Variants in CTTNBP2 observed in about 807,000 individuals in gnomAD.
CTTNBP2 encodes cortactin binding protein 2, also known as cortactin-binding protein 2.
Under a neutral mutation model 156.9 loss-of-function variants are expected in CTTNBP2, and 108 were observed. The ratio of observed to expected loss-of-function variants is 0.69; its 90% confidence interval spans 0.59 to 0.81. The LOEUF (loss-of-function observed/expected upper bound fraction) is 0.81. Ranked by LOEUF, CTTNBP2 falls within the 30% of genes least tolerant of loss-of-function variation. The pLI is 0.00. For missense variants in CTTNBP2, 1,924 were observed against 2,035.4 expected, an observed-to-expected ratio of 0.95 and a Z score of 1.05; for synonymous variants, 767 against 751.8, an observed-to-expected ratio of 1.02 and a Z score of -0.33.
At chr7:117,764,153 C>T (rs902745906) in intron 9 of CTTNBP2, among the ~76,000 whole-genome samples, 13 of 152,134 alleles carry the variant, frequency 8.5e-5, no homozygotes, top group Non-Finnish European at 1.6e-4. Flanking sequence ...GTATCAAGAT[C>T]AAGACAATTA....
At position 117,746,094 on chromosome 7, in the gene CTTNBP2, C is replaced by T. The variant is rs185761513; in HGVS notation, c.3354G>A (p.Glu1118=). 5 of 1,612,808 alleles carry T rather than the reference C, an allele frequency of 3.1e-6. No individual in the cohort carries two copies. The African/African-American group carries it at 4.0e-5, about 13-fold the overall frequency. Residue 1118 remains glutamate (E), a synonymous_variant, in exon 13 of 23, where the codon GAG becomes GAA. Transcript: ENST00000160373. ...QMMQNYLRLV[E]QYHNVIFHGP... ...CGTGGAAAATGACATTATGATATTG[C>T]TCAACCTATTAACAAACCAAGTAGA...
At chr7:117,717,479 G>GTGATCTGGAAATACACAATTCATAA (rs1277081497) in intron 22 of CTTNBP2, among the ~76,000 whole-genome samples, 6 of 151,896 alleles carry the variant, frequency 4.0e-5, no homozygotes, top group African/African-American at 1.2e-4. Flanking sequence ...TTTGTTTTCT[G>GTGATCTGGAAATACACAATTCATAA]TGATCTGGAA....
At chr7:117,871,949 G>C (rs1448760008) in intron 1 of CTTNBP2, 1 of 984,668 alleles carries the variant, frequency 1.0e-6, no homozygotes, top group East Asian at 1.1e-4. Context: ...CCACTTGCCA[G>C]AGAGCCTTGT....
chr7:117,763,983 C>T (rs1163281594), intron 9 of CTTNBP2, among the ~76,000 whole-genome samples: 1 of 152,010 alleles, frequency 6.6e-6, no homozygotes, highest in Non-Finnish European at 1.5e-5. Flanking sequence ...GCTTGGCCTT[C>T]AGTTTGCTTT....
At chr7:117,752,917 T>C (rs1432594882) in intron 12 of CTTNBP2, among the ~76,000 whole-genome samples, 1 of 152,206 alleles carries the variant, frequency 6.6e-6, no homozygotes, top group Non-Finnish European at 1.5e-5. Context: ...TGGTGTATAA[T>C]AAATGCTCAA....
At chr7:117,824,205 A>C (rs1055446969) in intron 2 of CTTNBP2, among the ~76,000 whole-genome samples, 5 of 151,326 alleles carry the variant, frequency 3.3e-5, no homozygotes, top group Non-Finnish European at 5.9e-5. Flanking sequence ...TTATTAAGCC[A>C]ATTCTTTTTC....
rs79202516 is a variant in CTTNBP2 at position 117,741,685 on chromosome 7, T to A, written c.3535+4146A>T. On this transcript the variant is annotated intron_variant, in intron 14 of 22. Coordinates refer to ENST00000160373, the MANE Select transcript of CTTNBP2 (RefSeq NM_033427.3). ...CTTCCTTCTTTAACCTAGAGTGGAG[T>A]ATTTTGTCCTTAGTCTATTGTTCAA... is the stretch of plus-strand genomic sequence containing the variant. Among the ~76,000 whole-genome samples the A allele has an allele frequency of 2.1e-3, 313 of 152,228 alleles. 1 individual carries two copies. Among genetic ancestry groups the A allele is most frequent in the African/African-American group, 7.1e-3 (296 of 41,542 alleles).
At chr7:117,714,767 C>A (rs1450610644) in intron 22 of CTTNBP2, among the ~76,000 whole-genome samples, 1 of 152,140 alleles carries the variant, frequency 6.6e-6, no homozygotes, top group African/African-American at 2.4e-5. Context: ...TTAGCGTGAG[C>A]CACAGCAATT....
At chr7:117,714,700 G>T (rs1458298214) in intron 22 of CTTNBP2, among the ~76,000 whole-genome samples, 4 of 152,214 alleles carry the variant, frequency 2.6e-5, no homozygotes, top group Non-Finnish European at 5.9e-5. Flanking sequence ...TCAGTCCCTG[G>T]AAGTGTGAGG....
intron 2 of CTTNBP2, among the ~76,000 whole-genome samples, chr7:117,818,479 T>C (rs956935911): frequency 6.6e-6 from 1 of 152,096 alleles, no homozygotes; most frequent in African/African-American, 2.4e-5. Context: ...TGTGAGTCAG[T>C]TCTTGAGTAC....
intron 8 of CTTNBP2, among the ~76,000 whole-genome samples, chr7:117,768,840 C>T (rs1054816101): frequency 6.6e-6 from 1 of 152,144 alleles, no homozygotes; most frequent in Non-Finnish European, 1.5e-5. Context: ...TTGCTTCTTT[C>T]ATTCAACATA....
At chr7:117,866,996 C>A (rs905369384) in intron 1 of CTTNBP2, among the ~76,000 whole-genome samples, 2 of 152,138 alleles carry the variant, frequency 1.3e-5, no homozygotes, top group Non-Finnish European at 2.9e-5. Context: ...TGAAAGTTCA[C>A]CATCACAATG....
At position 117,792,762 on chromosome 7, in the gene CTTNBP2, T is replaced by C. The variant is rs1325165199; in HGVS notation, c.434A>G (p.Gln145Arg). The change falls in exon 4 of 23, where the codon CAG (glutamine) becomes CGG (arginine). Residue 145 changes from glutamine (Q) to arginine (R), a missense_variant. By Grantham distance (43) the Gln-to-Arg change is conservative. Coordinates refer to ENST00000160373, the MANE Select transcript of CTTNBP2 (RefSeq NM_033427.3). The surrounding 1 kb of genome is among the most constrained non-coding windows in gnomAD (Gnocchi z 4.2). ...RQKKLEMEKL[Q>R]LQALEQEHKK... ...GTGCTCTTGCTCAAGGGCTTGTAGC[T>C]GAAGCTTCTCCATTTCCAGCTGAAA... 2.6e-6 allele frequency: 4 copies of C among 1,555,368 alleles called. No homozygotes were observed. The highest frequency in any genetic ancestry group is 1.7e-6 in the Non-Finnish European group (2 of 1,153,938).
intron 2 of CTTNBP2, among the ~76,000 whole-genome samples, chr7:117,857,622 G>C: frequency 6.6e-6 from 1 of 151,738 alleles, no homozygotes; most frequent in South Asian, 2.1e-4. Context: ...GTACAAATTA[G>C]GTAACTTTAT....
Position 117,757,978 on chromosome 7 carries a change from C to CA in CTTNBP2, c.3173-9dup, listed in dbSNP as rs935343618. The stretch of plus-strand genomic sequence containing the variant: ...CTGACCACGGCACATTTCCTAGTTT[C>CA]AAAAAATGAAATAAAATGTCAAGGG... On this transcript the variant is annotated splice_polypyrimidine_tract_variant and intron_variant, in intron 10 of 22. Transcript: ENST00000160373. 5.6e-6 allele frequency: 9 copies of CA among 1,605,996 alleles called. No individual in the cohort carries two copies. Among genetic ancestry groups the CA allele is most frequent in the Middle Eastern group, 1.7e-4 (1 of 6,052 alleles).
chr7:117,780,086 T>G (rs1432260451), intron 7 of CTTNBP2, among the ~76,000 whole-genome samples: 2 of 152,216 alleles, frequency 1.3e-5, no homozygotes, highest in African/African-American at 4.8e-5. Context: ...TATTAACCAC[T>G]GGTCCTCCTT....
At chr7:117,730,175 T>C (rs1278774998) in intron 16 of CTTNBP2, among the ~76,000 whole-genome samples, 3 of 152,148 alleles carry the variant, frequency 2.0e-5, no homozygotes, top group African/African-American at 7.2e-5. Flanking sequence ...GTGTTGCAAG[T>C]GCTGCTCCTT....
intron 12 of CTTNBP2, among the ~76,000 whole-genome samples, chr7:117,746,313 A>T (rs1039041900): frequency 6.6e-6 from 1 of 152,032 alleles, no homozygotes. Context: ...GATACTTTAT[A>T]AAAAAACACA....
intron 1 of CTTNBP2, among the ~76,000 whole-genome samples, chr7:117,865,766 T>C (rs1222798688): frequency 1.3e-5 from 2 of 150,278 alleles, no homozygotes; most frequent in Non-Finnish European, 3.0e-5. Flanking sequence ...AGGAAAAGCA[T>C]TCCAGAAAAA....
Sources: allele counts gnomAD v4.1 joint callset (sites outside exome capture counted in the v4.1 genomes callset), GRCh38; gene constraint gnomAD v4.1.1; non-coding constraint Gnocchi (gnomAD v3.1); transcripts MANE v1.5; gene names NCBI Gene and HGNC (gene_info 2026-07-23, HGNC 2026-07-21).